The following VEGFC variants were observed in gnomAD, a reference collection of about 807,000 sequenced individuals.
VEGFC encodes the protein FLT4 ligand DHM.
In VEGFC, 12 loss-of-function variants were observed where a neutral mutation model predicts 46.1. The ratio of observed to expected loss-of-function variants is 0.26; its 90% confidence interval spans 0.17 to 0.42. The LOEUF (loss-of-function observed/expected upper bound fraction) is 0.42. Among genes scored for constraint, VEGFC ranks in the 10% least tolerant of loss-of-function variants. VEGFC has a pLI of 1.00. For synonymous variants in VEGFC, 232 were observed against 195.5 expected (o/e 1.19, Z -1.56); for missense variants, 488 against 529.4 (o/e 0.92, Z 0.77).
At position 176,683,958 on chromosome 4, in the gene VEGFC, G is replaced by A. The variant is rs1579080543; in HGVS notation, c.1228C>T (p.Pro410Ser). The change falls in exon 7 of 7, where the codon CCT becomes TCT. Residue 410 changes from proline (P) to serine (S), a missense_variant. Transcript: ENST00000618562. ...ATTTGTGGTCTTTTCCAATATGAAGGGACACAACGACACACTTCTTCACTA... is the reference window on the plus strand; with the variant it reads ...ATTTGTGGTCTTTTCCAATATGAAGAGACACAACGACACACTTCTTCACTA... ...SYSEEVCRCV[P>S]SYWKRPQMS 7 of 1,614,070 alleles carry A rather than the reference G, an allele frequency of 4.3e-6. No homozygotes were observed. The highest frequency in any genetic ancestry group is 5.9e-6 in the Non-Finnish European group (7 of 1,179,978).
At chr4:176,756,119 T>C (rs923457832) in intron 1 of VEGFC, among the ~76,000 whole-genome samples, 1 of 152,040 alleles carries the variant, frequency 6.6e-6, no homozygotes, top group African/African-American at 2.4e-5. Context: ...AACCCTGGGC[T>C]TATCTCCCAC....
At chr4:176,698,599 T>C (rs193089378) in intron 4 of VEGFC, among the ~76,000 whole-genome samples, 26 of 151,896 alleles carry the variant, frequency 1.7e-4, no homozygotes, top group African/African-American at 6.0e-4. Context: ...TGTGGGGGAG[T>C]TGGGGGGTGC....
intron 1 of VEGFC, among the ~76,000 whole-genome samples, chr4:176,746,108 A>G (rs1043658828): frequency 1.3e-4 from 20 of 152,170 alleles, no homozygotes; most frequent in African/African-American, 4.3e-4. Flanking sequence ...AGCATTTTCT[A>G]TTTATTAGTC....
intron 1 of VEGFC, among the ~76,000 whole-genome samples, chr4:176,778,132 A>T (rs1735845926): frequency 6.6e-6 from 1 of 152,170 alleles, no homozygotes; most frequent in East Asian, 1.9e-4. Context: ...TTTCCCCACA[A>T]TTATGATCAC....
intron 1 of VEGFC, among the ~76,000 whole-genome samples, chr4:176,769,440 A>G (rs1481924135): frequency 2.0e-5 from 3 of 152,170 alleles, no homozygotes; most frequent in Non-Finnish European, 4.4e-5. Context: ...AGAAGTTCTA[A>G]TAACTGTTGG....
intron 5 of VEGFC, 139 bp from the exon 6 acceptor site, chr4:176,687,659 A>G (rs1734069112): frequency 9.9e-7 from 1 of 1,011,428 alleles, no homozygotes; most frequent in Admixed American, 2.9e-5. Flanking sequence ...GTTCCTTTAT[A>G]AAGGAGTTCA....
At chr4:176,769,173 T>C (rs1433726787) in intron 1 of VEGFC, among the ~76,000 whole-genome samples, 2 of 152,172 alleles carry the variant, frequency 1.3e-5, no homozygotes, top group Non-Finnish European at 1.5e-5. Context: ...AGATGCCCAA[T>C]CTGCTGGCTC....
chr4:176,687,037 G>T, intron 6 of VEGFC, 150 bp downstream of exon 6: 4 of 881,834 alleles, frequency 4.5e-6, no homozygotes, highest in Non-Finnish European at 3.4e-6. Flanking sequence ...TGCAAGTTTA[G>T]CATTGGTTAA....
Position 176,738,458 on chromosome 4 carries a change from T to C in VEGFC, c.148-8712A>G, listed in dbSNP as rs527631938. Among the ~76,000 whole-genome samples, 4 of 152,116 alleles carry C rather than the reference T, an allele frequency of 2.6e-5. No homozygotes were observed. In the South Asian group the frequency reaches 8.3e-4, roughly 31 times the overall value. ...CAAAAATAAACAATAGAGAAAGGACTCCCTATTTAATAAATGGTGCTGGGA... is the reference window on the plus strand; with the variant it reads ...CAAAAATAAACAATAGAGAAAGGACCCCCTATTTAATAAATGGTGCTGGGA... On this transcript the variant is annotated intron_variant, in intron 1 of 6. Coordinates refer to ENST00000618562, the MANE Select transcript of VEGFC (RefSeq NM_005429.5).
Position 176,780,381 on chromosome 4 carries a change from C to CAAAAAAAAAAA in VEGFC, c.147+11773_147+11783dup, listed in dbSNP as rs1252541684. On this transcript the variant is annotated intron_variant, in intron 1 of 6. Coordinates refer to ENST00000618562, the MANE Select transcript of VEGFC (RefSeq NM_005429.5). The stretch of plus-strand genomic sequence containing the variant: ...TGGGCGACAGAGCGAGACTCCATCT[C>CAAAAAAAAAAA]AAAAAAAAAAAAAAAAAACTCCTTC... Among the ~76,000 whole-genome samples, 25 of 12,248 alleles carry CAAAAAAAAAAA rather than the reference C, an allele frequency of 2.0e-3. 1 individual carries two copies. The highest frequency in any genetic ancestry group is 6.0e-3 in the African/African-American group (24 of 4,024). The allele number at this position is 12,248 out of a possible 152,430, so 8.0% of individuals were successfully genotyped here.
chr4:176,747,126 T>G (rs1360516282), intron 1 of VEGFC, among the ~76,000 whole-genome samples: 1 of 152,158 alleles, frequency 6.6e-6, no homozygotes, highest in Non-Finnish European at 1.5e-5. Flanking sequence ...GATTGTATCC[T>G]GTTACATCAT....
chr4:176,742,136 G>C (rs1452232495), intron 1 of VEGFC, among the ~76,000 whole-genome samples: 1 of 151,834 alleles, frequency 6.6e-6, no homozygotes, highest in Non-Finnish European at 1.5e-5. Context: ...CCATCTTTAT[G>C]TGCTTACATG....
chr4:176,779,257 G>A (rs1735867452), intron 1 of VEGFC, among the ~76,000 whole-genome samples: 1 of 152,106 alleles, frequency 6.6e-6, no homozygotes, highest in South Asian at 2.1e-4. Flanking sequence ...AGAAAATCTA[G>A]TCCCAATATA....
chr4:176,790,091 A>G (rs2110960338), intron 1 of VEGFC, among the ~76,000 whole-genome samples: 1 of 152,318 alleles, frequency 6.6e-6, no homozygotes, highest in South Asian at 2.1e-4. Context: ...TAGAGTCTTC[A>G]TATCAGTTTC....
At chr4:176,712,120 A>G (rs1416241068) in intron 3 of VEGFC, among the ~76,000 whole-genome samples, 1 of 152,194 alleles carries the variant, frequency 6.6e-6, no homozygotes, top group Non-Finnish European at 1.5e-5. Context: ...AACTGAATAC[A>G]TAGACGTAAG....
intron 1 of VEGFC, among the ~76,000 whole-genome samples, chr4:176,756,718 T>C (rs1246717845): frequency 6.6e-6 from 1 of 152,060 alleles, no homozygotes; most frequent in Non-Finnish European, 1.5e-5. Context: ...AGAAATGATA[T>C]TATCTCATTT....
At chr4:176,694,316 C>A (rs1163686065) in intron 4 of VEGFC, among the ~76,000 whole-genome samples, 1 of 151,896 alleles carries the variant, frequency 6.6e-6, no homozygotes, top group African/African-American at 2.4e-5. Context: ...CAAAAAAAGG[C>A]AGGGGTTGTA....
chr4:176,685,907 A>T (rs1188778160), intron 6 of VEGFC, among the ~76,000 whole-genome samples: 1 of 152,198 alleles, frequency 6.6e-6, no homozygotes, highest in African/African-American at 2.4e-5. Flanking sequence ...AACCACCAAA[A>T]ATATACATTA....
At chr4:176,685,588 A>C (rs539425357) in intron 6 of VEGFC, among the ~76,000 whole-genome samples, 46 of 152,202 alleles carry the variant, frequency 3.0e-4, no homozygotes, top group Non-Finnish European at 4.0e-4. Context: ...GTATGCAGAC[A>C]TAAGAATTTC....
Sources: allele counts gnomAD v4.1 joint callset (sites outside exome capture counted in the v4.1 genomes callset), GRCh38; gene constraint gnomAD v4.1.1; transcripts MANE v1.5; gene names NCBI Gene and HGNC (gene_info 2026-07-23, HGNC 2026-07-21).